NUP214: variants seen among roughly 807,000 people sequenced by gnomAD.
NUP214 encodes the protein nuclear pore complex protein Nup214.
Under a neutral mutation model 196.2 loss-of-function variants are expected in NUP214, and 79 were observed. The ratio of observed to expected loss-of-function variants is 0.40; its 90% CI spans 0.34 to 0.49. The LOEUF (loss-of-function observed/expected upper bound fraction) is 0.49, where lower values mean the gene tolerates loss of function less well. Ranked by LOEUF, NUP214 falls within the 20% of genes least tolerant of loss-of-function variation. The pLI is 0.58. For synonymous variants in NUP214, 1,020 were observed against 990.5 expected (o/e 1.03, Z -0.56); for missense variants, 2,468 against 2,539.0 (o/e 0.97, Z 0.60).
intron 7 of NUP214, 67 bp downstream of exon 7, chr9:131,133,276 T>G (rs1428288733): frequency 7.9e-6 from 8 of 1,010,596 alleles, no homozygotes; most frequent in African/African-American, 1.7e-5. Context: ...CTGGAGGCTT[T>G]GATTTCAAGG....
In NUP214 at chr9:131,151,898, G is replaced by A. The variant is rs201038516; in HGVS notation, c.2436+4G>A. On this transcript the variant is annotated splice_donor_region_variant and intron_variant, in intron 17 of 35. Coordinates refer to ENST00000359428, the MANE Select transcript of NUP214 (RefSeq NM_005085.4). Reference sequence around the variant, plus strand: ...CAAGAGTGAAGCTCAGCTTCAGGTAGGAGATCTATGTAAATCTGTTTAAAA... The same window carrying A: ...CAAGAGTGAAGCTCAGCTTCAGGTAAGAGATCTATGTAAATCTGTTTAAAA... The A allele has an allele frequency of 1.4e-5, 22 of 1,602,694 alleles. No homozygotes were observed. Among genetic ancestry groups the A allele is most frequent in the African/African-American group, 1.3e-4 (10 of 74,142 alleles).
chr9:131,170,697 C>T (rs1047818941), intron 21 of NUP214, among the ~76,000 whole-genome samples: 4 of 152,056 alleles, frequency 2.6e-5, no homozygotes, highest in Admixed American at 6.5e-5. Flanking sequence ...TATTCTAACA[C>T]GTCTGTAGCT....
rs1245112284 is a variant in NUP214 at position 131,150,642 on chromosome 9, A to G, written c.2154A>G (p.Glu718=). Residue 718 remains glutamate (E), a synonymous_variant, in exon 16 of 36, where the codon GAA becomes GAG. Transcript: ENST00000359428. ...TTGCACACTTTCAGAAGGAGTTGGAAGAGTTAAAAGCCCGAACTTCCAAAG... is the reference window on the plus strand; with the variant it reads ...TTGCACACTTTCAGAAGGAGTTGGAGGAGTTAAAAGCCCGAACTTCCAAAG... The part of the protein sequence containing the change: ...EEIAHFQKEL[E]ELKARTSKAC... 6.2e-7 allele frequency: 1 copy of G among 1,613,438 alleles called. No homozygotes were observed. Among genetic ancestry groups the G allele is most frequent in the African/African-American group, 1.3e-5 (1 of 74,874 alleles).
chr9:131,141,138 C>CAAA (rs5900924), intron 11 of NUP214, among the ~76,000 whole-genome samples: 244 of 132,646 alleles, frequency 1.8e-3, no homozygotes, highest in African/African-American at 6.3e-3. Flanking sequence ...AATACATCAC[C>CAAA]AAAAAAAAAA....
intron 11 of NUP214, among the ~76,000 whole-genome samples, chr9:131,142,008 A>G (rs560429602): frequency 5.3e-5 from 8 of 152,320 alleles, no homozygotes; most frequent in Middle Eastern, 6.8e-3. Context: ...TATATCACAA[A>G]TAGAGCCACT....
In NUP214 at chr9:131,215,752, TG is replaced by T. The variant is rs748650575; in HGVS notation, c.5749+386del. Among the ~76,000 whole-genome samples, 9 of 152,324 alleles carry T rather than the reference TG, an allele frequency of 5.9e-5. No homozygotes were observed. In the East Asian group the frequency reaches 1.7e-3, roughly 29 times the overall value. The stretch of plus-strand genomic sequence containing the variant: ...GGAGGAGAGCATGCAGACTTTCATT[TG>T]GATAGTACTCTCCAAATTTTCCTTA... On this transcript the variant is annotated intron_variant, in intron 31 of 35. Transcript: ENST00000359428.
At chr9:131,208,962 G>A (rs564122315) in intron 30 of NUP214, among the ~76,000 whole-genome samples, 37 of 151,710 alleles carry the variant, frequency 2.4e-4, no homozygotes, top group Admixed American at 1.2e-3. Flanking sequence ...GCAGTGAGCC[G>A]AGATCACGCC....
chr9:131,185,282 A>C (rs1833422528), intron 24 of NUP214, among the ~76,000 whole-genome samples: 1 of 152,182 alleles, frequency 6.6e-6, no homozygotes, highest in Non-Finnish European at 1.5e-5. Flanking sequence ...GTGGCCAAAA[A>C]CAGAAAAAAA....
Position 131,178,350 on chromosome 9 carries a change from C to T in NUP214, c.3359C>T (p.Pro1120Leu). The T allele has an allele frequency of 1.2e-6, 2 of 1,614,026 alleles. No homozygotes were observed. The highest frequency in any genetic ancestry group is 1.7e-6 in the Non-Finnish European group (2 of 1,179,904). Residue 1120 changes from proline (P) to leucine (L), a missense_variant, in exon 24 of 36, where the codon CCT (proline) becomes CTT (leucine). Physicochemically the swap from Pro to Leu is moderately conservative, Grantham distance 98 (BLOSUM62 -3). Coordinates refer to ENST00000359428, the MANE Select transcript of NUP214 (RefSeq NM_005085.4). The stretch of plus-strand genomic sequence containing the variant: ...ACTGAATCAACGTTGAAGAATGTCC[C>T]TCAAGTGGTAAATGTGCAGGAATTG... ...TLTESTLKNV[P>L]QVVNVQELKN...
At chr9:131,135,802 C>G (rs1564178998) in intron 8 of NUP214, 138 bp from the exon 9 acceptor site, 1 of 615,636 alleles carries the variant, frequency 1.6e-6, no homozygotes, top group Non-Finnish European at 2.9e-6. Flanking sequence ...ATCTTCCCAC[C>G]TTTGTTCAAC....
chr9:131,185,328 G>C (rs917881453), intron 24 of NUP214, among the ~76,000 whole-genome samples: 1 of 152,172 alleles, frequency 6.6e-6, no homozygotes, highest in African/African-American at 2.4e-5. Context: ...CCAAGAACCC[G>C]AGTTTCCAGA....
intron 23 of NUP214, chr9:131,175,870 G>T (rs1564195882): frequency 6.2e-5 from 23 of 373,916 alleles, no homozygotes; most frequent in South Asian, 3.8e-4. Flanking sequence ...AGTGGGGTTT[G>T]TTTTTTTTTT....
chr9:131,157,782 A>G (rs1386198779), intron 17 of NUP214, among the ~76,000 whole-genome samples: 1 of 151,722 alleles, frequency 6.6e-6, no homozygotes, highest in Non-Finnish European at 1.5e-5. Flanking sequence ...AGTAGCTGGG[A>G]TTACAGGCGC....
chr9:131,126,719 T>G (rs1831366045), intron 1 of NUP214, among the ~76,000 whole-genome samples: 1 of 152,010 alleles, frequency 6.6e-6, no homozygotes, highest in Non-Finnish European at 1.5e-5. Flanking sequence ...CACTAATTTT[T>G]TATATCATTT....
rs1332248249 is a variant in NUP214, at chr9:131,163,922, G to C, written c.2776G>C (p.Glu926Gln). Residue 926 changes from glutamate (E) to glutamine (Q), a missense_variant, in exon 20 of 36, where the codon GAA becomes CAA. Glu to Gln is a conservative substitution (Grantham distance 29). Around this residue, in one of 5 missense-constraint regions of NUP214, gnomAD observed 1,801 missense variants for 1,779.4 expected, o/e 1.01. Coordinates refer to ENST00000359428, the MANE Select transcript of NUP214 (RefSeq NM_005085.4). ...CAATGCTTTGTTGAAAACCACCATA[G>C]AATCTCACACCAAATCCTTGCCCAA... ...LCNALLKTTI[E>Q]SHTKSLPKVP... The C allele has an allele frequency of 6.2e-7, 1 of 1,614,146 alleles. No homozygotes were observed.
chr9:131,173,107 A>G (rs1042080023), intron 21 of NUP214, among the ~76,000 whole-genome samples: 1 of 152,156 alleles, frequency 6.6e-6, no homozygotes, highest in Non-Finnish European at 1.5e-5. Context: ...CCCAGGCTGC[A>G]GTGCAATGGT....
chr9:131,138,286 TCGGCTCA>T lies in NUP214; in HGVS notation c.1006-993_1006-987del, dbSNP rs200122581. On this transcript the variant is annotated intron_variant, in intron 9 of 35. Transcript: ENST00000359428. ...TAGGCCAGAGTGCAGTGGTATGATC[TCGGCTCA>T]CTGCAACCTCTGCTTTCCGGGTTCA... Among the ~76,000 whole-genome samples the T allele has an allele frequency of 7.7e-3, 1,090 of 141,202 alleles. 13 individuals are homozygous for T. The highest frequency in any genetic ancestry group is 0.026 in the African/African-American group (1,023 of 38,844). 92.6% of individuals were successfully genotyped at this position (141,202 alleles called of 152,430 possible). A position where few individuals can be genotyped will look rare whatever the true frequency, so the allele number is the denominator to read the frequency against.
intron 33 of NUP214, chr9:131,229,731 G>A (rs1564223489): frequency 1.9e-6 from 1 of 518,950 alleles, no homozygotes; most frequent in African/African-American, 1.9e-5. Flanking sequence ...AAGGCAGGAG[G>A]AGGAAGGGAG....
chr9:131,231,098 G>A (rs1834864602), intron 34 of NUP214, among the ~76,000 whole-genome samples: 1 of 152,126 alleles, frequency 6.6e-6, no homozygotes, highest in Non-Finnish European at 1.5e-5. Context: ...GCAGTGAGCT[G>A]TGATTGCACC....
Sources: allele counts gnomAD v4.1 joint callset (sites outside exome capture counted in the v4.1 genomes callset), GRCh38; gene constraint gnomAD v4.1.1; regional missense constraint gnomAD v4.1.1; transcripts MANE v1.5; gene names NCBI Gene and HGNC (gene_info 2026-07-23, HGNC 2026-07-21).